CADPS2: variants seen among roughly 807,000 people sequenced by gnomAD.
CADPS2 encodes calcium-dependent secretion activator 2.
CADPS2 carries 93 observed loss-of-function variants against 172.5 expected under a neutral mutation model. The observed-to-expected ratio is 0.54, with a 90% CI of 0.46 to 0.64. The LOEUF (loss-of-function observed/expected upper bound fraction) is 0.64, where lower values mean the gene tolerates loss of function less well. Among genes scored for constraint, CADPS2 ranks in the 30% least tolerant of loss-of-function variants. CADPS2 has a pLI of 0.00. For synonymous variants in CADPS2, 546 were observed against 555.2 expected, an observed-to-expected ratio of 0.98 and a Z score of 0.23; for missense variants, 1,420 against 1,565.9, an observed-to-expected ratio of 0.91 and a Z score of 1.57.
At chr7:122,722,713 C>T (rs1451775712) in intron 2 of CADPS2, among the ~76,000 whole-genome samples, 1 of 117,682 alleles carries the variant, frequency 8.5e-6, no homozygotes, top group Non-Finnish European at 1.8e-5. Context: ...AAAGAGCCTG[C>T]ATTGCCAAGA....
At chr7:122,429,837 A>T (rs889474634) in intron 17 of CADPS2, among the ~76,000 whole-genome samples, 8 of 152,138 alleles carry the variant, frequency 5.3e-5, no homozygotes, top group Non-Finnish European at 8.8e-5. Context: ...AAATATTAGT[A>T]AAAATTATTC....
intron 1 of CADPS2, among the ~76,000 whole-genome samples, chr7:122,875,414 T>C (rs1367995919): frequency 1.3e-5 from 2 of 152,162 alleles, no homozygotes; most frequent in Non-Finnish European, 2.9e-5. Context: ...TAAATATGGC[T>C]GGAAATGCAA....
chr7:122,328,688 T>C (rs1038715003), intron 28 of CADPS2: 5 of 152,232 alleles, frequency 3.3e-5, no homozygotes, highest in African/African-American at 1.2e-4. Flanking sequence ...CATGCGTTAC[T>C]CACTGCATTT....
intron 2 of CADPS2, among the ~76,000 whole-genome samples, chr7:122,704,284 C>T (rs1242596902): frequency 6.6e-6 from 1 of 151,596 alleles, no homozygotes; most frequent in East Asian, 1.9e-4. Flanking sequence ...AAACAGTCTA[C>T]TTGTCCCATT....
chr7:122,729,920 G>T (rs888073003), intron 2 of CADPS2, among the ~76,000 whole-genome samples: 1 of 151,512 alleles, frequency 6.6e-6, no homozygotes, highest in African/African-American at 2.4e-5. Flanking sequence ...TGTTATCAGT[G>T]ATTTATAATC....
intron 6 of CADPS2, among the ~76,000 whole-genome samples, chr7:122,581,828 AGAATCT>A (rs2068866656): frequency 6.6e-6 from 1 of 152,160 alleles, no homozygotes. Context: ...ATGCATCATA[AGAATCT>A]GAATGTTTTG....
intron 9 of CADPS2, among the ~76,000 whole-genome samples, chr7:122,492,521 T>C (rs1262526425): frequency 6.6e-6 from 1 of 152,050 alleles, no homozygotes; most frequent in African/African-American, 2.4e-5. Context: ...CAAGAGCTCA[T>C]GTATGCAGCA....
chr7:122,516,438 T>C (rs1307391371), intron 8 of CADPS2, among the ~76,000 whole-genome samples: 1 of 152,074 alleles, frequency 6.6e-6, no homozygotes, highest in Non-Finnish European at 1.5e-5. Flanking sequence ...GGGAGGAGGC[T>C]GAGGCAGGAT....
intron 3 of CADPS2, among the ~76,000 whole-genome samples, chr7:122,630,660 C>G (rs1389806378): frequency 2.6e-5 from 4 of 152,148 alleles, no homozygotes; most frequent in Non-Finnish European, 5.9e-5. Flanking sequence ...AAAGATCACT[C>G]TGTCTCTAGT....
intron 2 of CADPS2, among the ~76,000 whole-genome samples, chr7:122,670,338 G>C (rs1329781708): frequency 6.6e-6 from 1 of 152,020 alleles, no homozygotes; most frequent in Non-Finnish European, 1.5e-5. Context: ...AGCACTTTGG[G>C]AGGCCAAAGT....
chr7:122,475,671 T>C (rs2056547999), intron 12 of CADPS2, among the ~76,000 whole-genome samples: 1 of 152,180 alleles, frequency 6.6e-6, no homozygotes. Context: ...AAGTTCAACT[T>C]TCAGCCATAT....
At chr7:122,617,049 G>A (rs948576233) in intron 5 of CADPS2, among the ~76,000 whole-genome samples, 1 of 152,040 alleles carries the variant, frequency 6.6e-6, no homozygotes, top group Non-Finnish European at 1.5e-5. Context: ...TATTATTGTT[G>A]ACACTGCATC....
Position 122,746,541 on chromosome 7 carries a change from CCTGGGCCATATTGGAAGAAGCAGATTGT to C in CADPS2, c.340-9501_340-9474del, listed in dbSNP as rs1588949121. On this transcript the variant is annotated intron_variant, in intron 1 of 29. Coordinates refer to ENST00000449022, the MANE Select transcript of CADPS2 (RefSeq NM_017954.11). The stretch of plus-strand genomic sequence containing the variant: ...CAGGGGTGTCCAATCTTTTGGCTTC[CCTGGGCCATATTGGAAGAAGCAGATTGT>C]CTTGGGCCACATGTAAAACACACTA... 2.0e-5 allele frequency among the ~76,000 whole-genome samples: 3 copies of C among 152,096 alleles called. No homozygotes were observed. The East Asian group carries it at 5.8e-4, about 29-fold the overall frequency.
intron 2 of CADPS2, among the ~76,000 whole-genome samples, chr7:122,711,020 T>C (rs2088623864): frequency 6.6e-6 from 1 of 152,130 alleles, no homozygotes. Context: ...GCTTTTATAA[T>C]CTATGCTTTA....
chr7:122,399,656 GTTTCTTTTT>G (rs2045640724), intron 20 of CADPS2, among the ~76,000 whole-genome samples: 1 of 94,540 alleles, frequency 1.1e-5, no homozygotes, highest in East Asian at 2.6e-4. Flanking sequence ...TCAAGGGTGG[GTTTCTTTTT>G]TTTTTTTTTT....
chr7:122,381,924 TG>T (rs2043060411), intron 24 of CADPS2, among the ~76,000 whole-genome samples: 1 of 152,184 alleles, frequency 6.6e-6, no homozygotes, highest in African/African-American at 2.4e-5. Flanking sequence ...CTATTGTAAA[TG>T]TATCTGGTTA....
intron 2 of CADPS2, among the ~76,000 whole-genome samples, chr7:122,691,126 T>C (rs962142453): frequency 2.6e-5 from 4 of 152,248 alleles, no homozygotes; most frequent in Non-Finnish European, 4.4e-5. Flanking sequence ...GTCTGCACCG[T>C]CCTTATCCGG....
At chr7:122,532,497 T>G (rs2061851838) in intron 8 of CADPS2, among the ~76,000 whole-genome samples, 1 of 152,132 alleles carries the variant, frequency 6.6e-6, no homozygotes. Context: ...GGACAGCTTG[T>G]GAATATACAC....
At chr7:122,593,809 T>A (rs1301364260) in intron 6 of CADPS2, among the ~76,000 whole-genome samples, 1 of 151,446 alleles carries the variant, frequency 6.6e-6, no homozygotes, top group Non-Finnish European at 1.5e-5. Flanking sequence ...AAAGAAGCCA[T>A]GTGAGAATCT....
Sources: allele counts gnomAD v4.1 joint callset (sites outside exome capture counted in the v4.1 genomes callset), GRCh38; gene constraint gnomAD v4.1.1; transcripts MANE v1.5; gene names NCBI Gene and HGNC (gene_info 2026-07-23, HGNC 2026-07-21).